The following MYCBP2 variants were observed in gnomAD, a reference collection of about 807,000 sequenced individuals.
The protein encoded by MYCBP2 is E3 ubiquitin-protein ligase MYCBP2.
Under a neutral mutation model 525.3 loss-of-function variants are expected in MYCBP2, and 120 were observed. The ratio of observed to expected loss-of-function variants is 0.23; its 90% CI spans 0.20 to 0.27. The LOEUF (loss-of-function observed/expected upper bound fraction) is 0.27. Among genes scored for constraint, MYCBP2 ranks in the 10% least tolerant of loss-of-function variants. The pLI is 1.00. For synonymous variants in MYCBP2, 1,894 were observed against 1,955.8 expected (o/e 0.97, Z 0.83); for missense variants, 4,149 against 5,657.1 (o/e 0.73, Z 8.55).
In MYCBP2 at chr13:77,097,634, T is replaced by C. The variant is rs369662313; in HGVS notation, c.9520A>G (p.Thr3174Ala). The C allele has an allele frequency of 1.2e-5, 19 of 1,613,608 alleles. No individual in the cohort carries two copies. Among genetic ancestry groups the C allele is most frequent in the African/African-American group, 5.3e-5 (4 of 74,890 alleles). The part of the protein sequence containing the change: ...VAFWEDISLA[T>A]IKAASQNMIF... ...ATATTCTGGGAAGCAGCTTTGATAGTAGCCAAAGAGATGTCTTCCCAAAAA... is the reference window on the plus strand; with the variant it reads ...ATATTCTGGGAAGCAGCTTTGATAGCAGCCAAAGAGATGTCTTCCCAAAAA... The change falls in exon 56 of 83, where the codon ACT becomes GCT. Residue 3174 changes from threonine (T) to alanine (A), a missense_variant. This residue lies in a region of MYCBP2 where 653 missense variants were observed against 744.7 expected (regional missense o/e 0.88). Transcript: ENST00000544440.
At chr13:77,205,798 C>A (rs909142226) in intron 24 of MYCBP2, among the ~76,000 whole-genome samples, 200 bp from the exon 25 acceptor site, 2 of 152,092 alleles carry the variant, frequency 1.3e-5, no homozygotes, top group African/African-American at 4.8e-5. Flanking sequence ...TTTAAACTTG[C>A]CATACGACAA....
At chr13:77,053,653 T>C (rs73239435) in intron 80 of MYCBP2, among the ~76,000 whole-genome samples, 3,377 of 152,294 alleles carry the variant, frequency 0.022, 57 homozygotes, top group Middle Eastern at 0.075. Context: ...GTTTAGTACA[T>C]GAAACACACA....
At chr13:77,183,873 G>A (rs2060487679) in intron 32 of MYCBP2, among the ~76,000 whole-genome samples, 3 of 151,956 alleles carry the variant, frequency 2.0e-5, no homozygotes, top group African/African-American at 7.3e-5. Flanking sequence ...TTTGATTATG[G>A]TATTTCATGT....
At position 77,273,493 on chromosome 13, in the gene MYCBP2, G is replaced by C. The variant is rs1480811274; in HGVS notation, c.924C>G (p.Ser308Arg). 6.3e-7 allele frequency: 1 copy of C among 1,590,902 alleles called. No homozygotes were observed. Among genetic ancestry groups the C allele is most frequent in the African/African-American group, 1.4e-5 (1 of 73,592 alleles). The change falls in exon 5 of 83, where the codon AGC becomes AGG. Residue 308 changes from serine (S) to arginine (R), a missense_variant. Ser to Arg is a moderately radical substitution (Grantham distance 110). Coordinates refer to ENST00000544440, the MANE Select transcript of MYCBP2 (RefSeq NM_015057.5). ...ATACCTGAATAGTTTGGCAAGCATG[G>C]CTTCCATTGTTGGTGAGGATAGCAG... ...AISAILTNNG[S>R]HACQTIQVPT...
chr13:77,326,045 G>C lies in MYCBP2; in HGVS notation c.302+429C>G, dbSNP rs2082250141. On this transcript the variant is annotated intron_variant, in intron 1 of 82. Transcript: ENST00000544440. The surrounding 1 kb of genome is among the most constrained non-coding windows in gnomAD (Gnocchi z 4.2). ...AGGCGGCACGTGCAAATAACATTGC[G>C]GCAGAGACACTGAAAACGCCACTTC... Among the ~76,000 whole-genome samples the C allele has an allele frequency of 6.6e-6, 1 of 151,980 alleles. No homozygotes were observed. Among genetic ancestry groups the C allele is most frequent in the Admixed American group, 6.6e-5 (1 of 15,260 alleles).
rs991188856 is a variant in MYCBP2, at chr13:77,077,491, C to T, written c.11485-104G>A. The T allele has an allele frequency of 4.4e-6, 6 of 1,375,024 alleles. No homozygotes were observed. In the East Asian group the frequency reaches 1.4e-4, roughly 32 times the overall value. 85.2% of individuals were successfully genotyped at this position (1,375,024 alleles called of 1,614,324 possible). On this transcript the variant is annotated intron_variant, in intron 66 of 82. Coordinates refer to ENST00000544440, the MANE Select transcript of MYCBP2 (RefSeq NM_015057.5). ...AGCAAGCTCAAATAACAAAGAATTGCACAGAGTAAAGGTTATGAGGTTATT... is the reference window on the plus strand; with the variant it reads ...AGCAAGCTCAAATAACAAAGAATTGTACAGAGTAAAGGTTATGAGGTTATT...
chr13:77,134,045 C>CA (rs1183079579), intron 52 of MYCBP2, among the ~76,000 whole-genome samples: 18 of 152,058 alleles, frequency 1.2e-4, no homozygotes, highest in Admixed American at 1.2e-3. Flanking sequence ...AATAAGAACT[C>CA]AAATATTTAC....
intron 8 of MYCBP2, 138 bp downstream of exon 8, chr13:77,267,703 C>T: frequency 1.5e-6 from 1 of 676,090 alleles, no homozygotes; most frequent in African/African-American, 1.8e-5. Context: ...CTATAAAATG[C>T]TTTGTATGTC....
intron 74 of MYCBP2, 100 bp from the exon 75 acceptor site, chr13:77,061,890 G>A (rs1176725281): frequency 2.5e-6 from 3 of 1,220,832 alleles, no homozygotes; most frequent in Non-Finnish European, 3.3e-6. Context: ...CCGTTATTCG[G>A]AAGTCTATTA....
intron 20 of MYCBP2, among the ~76,000 whole-genome samples, chr13:77,222,365 C>T (rs1038608106): frequency 2.0e-5 from 3 of 151,738 alleles, no homozygotes; most frequent in Admixed American, 6.6e-5. Context: ...TTACAAACCT[C>T]TTGATAGTAG....
At chr13:77,099,170 T>A in intron 55 of MYCBP2, 157 bp from the exon 56 acceptor site, 2 of 987,016 alleles carry the variant, frequency 2.0e-6, no homozygotes, top group Non-Finnish European at 2.9e-6. Context: ...AAGGGGGAAA[T>A]ATTTCTAATA....
chr13:77,094,755 C>A (rs1036141322), intron 58 of MYCBP2, among the ~76,000 whole-genome samples: 1 of 152,138 alleles, frequency 6.6e-6, no homozygotes, highest in African/African-American at 2.4e-5. Context: ...CTCTGGGAAG[C>A]CTTTTCTGAT....
chr13:77,090,281 C>A lies in MYCBP2; in HGVS notation c.10368-18G>T. On this transcript the variant is annotated intron_variant, in intron 59 of 82. Coordinates refer to ENST00000544440, the MANE Select transcript of MYCBP2 (RefSeq NM_015057.5). ...TTTCTAAACTGTACATGGAACAATG[C>A]AACAGATACAAACTCAGAAGAGCTG... 6.3e-7 allele frequency: 1 copy of A among 1,578,922 alleles called. No homozygotes were observed. The highest frequency in any genetic ancestry group is 8.6e-7 in the Non-Finnish European group (1 of 1,161,380).
At chr13:77,113,133 G>A (rs1328588140) in intron 55 of MYCBP2, among the ~76,000 whole-genome samples, 1 of 152,126 alleles carries the variant, frequency 6.6e-6, no homozygotes, top group African/African-American at 2.4e-5. Context: ...TGTAACTCAT[G>A]TTATCCTTAT....
Position 77,261,198 on chromosome 13 carries a change from C to T in MYCBP2, c.1825G>A (p.Ala609Thr). The T allele has an allele frequency of 6.2e-7, 1 of 1,612,654 alleles. No individual in the cohort carries two copies. The highest frequency in any genetic ancestry group is 8.5e-7 in the Non-Finnish European group (1 of 1,179,138). The change falls in exon 12 of 83, where the codon GCT becomes ACT. Residue 609 changes from alanine to threonine, a missense_variant. Physicochemically the swap from Ala to Thr is moderately conservative, Grantham distance 58 (BLOSUM62 0). Transcript: ENST00000544440. ...GATTCTCCATCTTCTCCTTTACTAG[C>T]AGATCCTGTAAAGAATATGCTCCCA... ...EDGSIFFTGS[A>T]SKGEDGESTK...
rs1452820257 is a variant in MYCBP2 at position 77,044,900 on chromosome 13, TG to T, written c.*477del. Reference sequence around the variant, plus strand: ...ACATTTATATGCTGTCCTAACACAATGTTTTTTTTTTTTTTAAATAACAGTC... The same window carrying T: ...ACATTTATATGCTGTCCTAACACAATTTTTTTTTTTTTTTAAATAACAGTC... On this transcript the variant is annotated 3_prime_UTR_variant, in exon 83 of 83. Coordinates refer to ENST00000544440, the MANE Select transcript of MYCBP2 (RefSeq NM_015057.5). The T allele has an allele frequency of 4.2e-5, 17 of 400,398 alleles. No individual in the cohort carries two copies. The highest frequency in any genetic ancestry group is 2.5e-4 in the East Asian group (7 of 28,074). The allele number at this position is 400,398 out of a possible 1,614,324, so 24.8% of individuals were successfully genotyped here.
chr13:77,110,454 C>A (rs376623733), intron 55 of MYCBP2, among the ~76,000 whole-genome samples: 1 of 152,168 alleles, frequency 6.6e-6, no homozygotes, highest in Non-Finnish European at 1.5e-5. Context: ...CAAGACAATA[C>A]GTGCACAGCT....
intron 1 of MYCBP2, among the ~76,000 whole-genome samples, chr13:77,311,146 A>G (rs1214126817): frequency 6.6e-6 from 1 of 152,226 alleles, no homozygotes; most frequent in Non-Finnish European, 1.5e-5. Flanking sequence ...CTACAACCCA[A>G]AAGTTAAAAT....
intron 70 of MYCBP2, 68 bp from the exon 71 acceptor site, chr13:77,067,932 C>A: frequency 6.8e-7 from 1 of 1,465,466 alleles, no homozygotes; most frequent in Non-Finnish European, 9.1e-7. Context: ...TTTTATTTCT[C>A]TTTTCTTTTT....
Sources: gnomAD v4.1 joint callset for allele counts (sites outside exome capture counted in the v4.1 genomes callset) on GRCh38, gnomAD v4.1.1 for gene constraint, gnomAD v4.1.1 regional missense constraint, Gnocchi (gnomAD v3.1) non-coding constraint, MANE v1.5 for transcripts, NCBI Gene and HGNC (gene_info 2026-07-23, HGNC 2026-07-21) for gene names.